EPC1: variants seen among roughly 807,000 people sequenced by gnomAD.
EPC1 encodes enhancer of polycomb homolog 1.
A neutral mutation model predicts 98.4 loss-of-function variants in EPC1; 12 were observed. That is an observed-to-expected ratio of 0.12 (90% CI 0.08 to 0.20). The LOEUF (loss-of-function observed/expected upper bound fraction) is 0.20. EPC1 is among the 10% of genes least tolerant of loss of function. The pLI, the probability that EPC1 is intolerant of heterozygous loss-of-function variation, is 1.00. For synonymous variants in EPC1, 357 were observed against 363.9 expected (o/e 0.98, Z 0.21); for missense variants, 729 against 990.5 (o/e 0.74, Z 3.54).
chr10:32,325,509 T>A (rs1837220613), intron 1 of EPC1, among the ~76,000 whole-genome samples: 1 of 152,184 alleles, frequency 6.6e-6, no homozygotes, highest in African/African-American at 2.4e-5. Flanking sequence ...AGAAGGAAAA[T>A]TTTATCTTTT....
intron 1 of EPC1, among the ~76,000 whole-genome samples, chr10:32,366,306 C>CT (rs1337670674): frequency 6.6e-6 from 1 of 152,138 alleles, no homozygotes; most frequent in Non-Finnish European, 1.5e-5. Flanking sequence ...AAATGTTGCT[C>CT]TTGCCGTTAG....
intron 10 of EPC1, chr10:32,282,272 TGTAACCCTAGCACTTTG>T (rs1343329217): frequency 6.6e-6 from 1 of 152,288 alleles, no homozygotes; most frequent in East Asian, 1.9e-4. Context: ...GGCTCACCCC[TGTAACCCTAGCACTTTG>T]GGAGGCCAAG....
chr10:32,343,216 A>G (rs1324638389), intron 1 of EPC1, among the ~76,000 whole-genome samples: 1 of 151,998 alleles, frequency 6.6e-6, no homozygotes, highest in Non-Finnish European at 1.5e-5. Context: ...TTTTAATTAA[A>G]TTATTTTTTC....
At chr10:32,345,838 T>C (rs984920236) in intron 1 of EPC1, among the ~76,000 whole-genome samples, 1 of 152,226 alleles carries the variant, frequency 6.6e-6, no homozygotes, top group Non-Finnish European at 1.5e-5. Flanking sequence ...CTTCGAAATT[T>C]AGATCTATAA....
In EPC1 at chr10:32,276,373, G is replaced by A. The variant is rs187450750; in HGVS notation, c.1745-3092C>T. Among the ~76,000 whole-genome samples the A allele has an allele frequency of 1.1e-4, 17 of 152,226 alleles. No homozygotes were observed. The South Asian group carries it at 1.2e-3, about 11-fold the overall frequency. On this transcript the variant is annotated intron_variant, in intron 10 of 13. Coordinates refer to ENST00000319778, the MANE Select transcript of EPC1 (RefSeq NM_001272004.3). ...CAAAAATACAAAAACTTAGCCAGGC[G>A]TGGTGGCACATGCCTGTAATCCCAG...
chr10:32,357,979 C>T (rs1453621019), intron 1 of EPC1, among the ~76,000 whole-genome samples: 3 of 151,430 alleles, frequency 2.0e-5, no homozygotes, highest in African/African-American at 7.3e-5. Context: ...CTCAGCCTCC[C>T]GAGTAGCTGG....
intron 1 of EPC1, among the ~76,000 whole-genome samples, chr10:32,366,944 A>T (rs2133114592): frequency 6.6e-6 from 1 of 152,142 alleles, no homozygotes; most frequent in African/African-American, 2.4e-5. Context: ...CCAGTTTTCC[A>T]CTCTTAACAT....
chr10:32,304,088 TTAA>T (rs1440495187), intron 2 of EPC1, among the ~76,000 whole-genome samples: 1 of 152,238 alleles, frequency 6.6e-6, no homozygotes, highest in South Asian at 2.1e-4. Context: ...CTGTCATTTA[TTAA>T]TATTTGATTA....
At position 32,278,389 on chromosome 10, in the gene EPC1, T is replaced by G. The variant is rs537174000; in HGVS notation, c.1745-5108A>C. Among the ~76,000 whole-genome samples, 3 of 115,966 alleles carry G rather than the reference T, an allele frequency of 2.6e-5. No individual in the cohort carries two copies. In the South Asian group the frequency reaches 9.5e-4, roughly 37 times the overall value. 76.1% of individuals were successfully genotyped at this position (115,966 alleles called of 152,430 possible). ...TTTTTTTGTTTTTTTTTTTTTGTTT[T>G]TTTTTTTTTTGAGACGGAGTCTCGC... On this transcript the variant is annotated intron_variant, in intron 10 of 13. Coordinates refer to ENST00000319778, the MANE Select transcript of EPC1 (RefSeq NM_001272004.3).
At chr10:32,371,626 C>T (rs565485308) in intron 1 of EPC1, among the ~76,000 whole-genome samples, 4 of 152,162 alleles carry the variant, frequency 2.6e-5, no homozygotes, top group Non-Finnish European at 5.9e-5. Flanking sequence ...TGGCCAGGCG[C>T]GGTGGCTCAC....
intron 1 of EPC1, among the ~76,000 whole-genome samples, chr10:32,328,600 T>C (rs1837445093): frequency 6.6e-6 from 1 of 152,108 alleles, no homozygotes; most frequent in South Asian, 2.1e-4. Flanking sequence ...GAGGAATCAA[T>C]CTCCTAGATA....
chr10:32,330,788 T>A (rs1837593534), intron 1 of EPC1, among the ~76,000 whole-genome samples: 1 of 151,956 alleles, frequency 6.6e-6, no homozygotes, highest in South Asian at 2.1e-4. Flanking sequence ...GTTTTAGATA[T>A]GAACAAGAAT....
chr10:32,361,244 C>A (rs1049552832), intron 1 of EPC1, among the ~76,000 whole-genome samples: 1 of 152,216 alleles, frequency 6.6e-6, no homozygotes, highest in Non-Finnish European at 1.5e-5. Flanking sequence ...TTTTTTCTAG[C>A]TCTGTAAACA....
At chr10:32,276,407 G>A (rs941344868) in intron 10 of EPC1, among the ~76,000 whole-genome samples, 6 of 152,230 alleles carry the variant, frequency 3.9e-5, no homozygotes, top group African/African-American at 1.4e-4. Context: ...AGCTACTCGG[G>A]AGGCTGAGGC....
intron 1 of EPC1, among the ~76,000 whole-genome samples, chr10:32,340,363 A>G (rs918998957): frequency 6.6e-6 from 1 of 152,252 alleles, no homozygotes; most frequent in African/African-American, 2.4e-5. Context: ...GGGTTGGTAG[A>G]TGGAATTCAC....
intron 10 of EPC1, among the ~76,000 whole-genome samples, chr10:32,275,495 G>A (rs1327151971): frequency 2.0e-5 from 3 of 152,092 alleles, no homozygotes; most frequent in East Asian, 1.9e-4. Flanking sequence ...GGCTGGGCGC[G>A]GTGGCTCACG....
intron 13 of EPC1, 136 bp downstream of exon 13, chr10:32,271,418 A>G: frequency 1.0e-6 from 1 of 1,001,206 alleles, no homozygotes; most frequent in Non-Finnish European, 1.5e-6. Context: ...TAAATAAGTG[A>G]TCAATTCTCA....
chr10:32,336,114 G>A (rs548849449), intron 1 of EPC1, among the ~76,000 whole-genome samples: 1 of 149,402 alleles, frequency 6.7e-6, no homozygotes, highest in Non-Finnish European at 1.5e-5. Context: ...TATTGTCCAG[G>A]CTGGAGTGCA....
At position 32,318,259 on chromosome 10, in the gene EPC1, C is replaced by T. The variant is rs147409109; in HGVS notation, c.154-12328G>A. Among the ~76,000 whole-genome samples the T allele has an allele frequency of 1.4e-3, 206 of 152,262 alleles. 1 individual carries two copies. The highest frequency in any genetic ancestry group is 4.5e-3 in the African/African-American group (189 of 41,544). ...AATCTTTATGCTGATGATTTCTATG[C>T]CTCCAAAACAGCCCCGAGAGCAGTA... On this transcript the variant is annotated intron_variant, in intron 1 of 13. Transcript: ENST00000319778.
Sources: allele counts gnomAD v4.1 joint callset (sites outside exome capture counted in the v4.1 genomes callset), GRCh38; gene constraint gnomAD v4.1.1; transcripts MANE v1.5; gene names NCBI Gene and HGNC (gene_info 2026-07-23, HGNC 2026-07-21).